ZDHHC5: variants seen among roughly 807,000 people sequenced by gnomAD.
ZDHHC5 encodes palmitoyltransferase ZDHHC5.
A neutral mutation model predicts 70.0 loss-of-function variants in ZDHHC5; 22 were observed. The observed-to-expected ratio is 0.31, with a 90% CI of 0.22 to 0.45. The LOEUF (loss-of-function observed/expected upper bound fraction) is 0.45, where lower values mean the gene tolerates loss of function less well. Ranked by LOEUF, ZDHHC5 falls within the 20% of genes least tolerant of loss-of-function variation. The pLI, the probability that ZDHHC5 is intolerant of heterozygous loss-of-function variation, is 1.00. For synonymous variants in ZDHHC5, 313 were observed against 347.8 expected, an observed-to-expected ratio of 0.90 and a Z score of 1.11; for missense variants, 746 against 926.9, an observed-to-expected ratio of 0.80 and a Z score of 2.53.
Position 57,695,992 on chromosome 11 carries a change from C to G in ZDHHC5, c.958C>G (p.Leu320Val), listed in dbSNP as rs774774294. 7.4e-6 allele frequency: 12 copies of G among 1,614,122 alleles called. No individual in the cohort carries two copies. The highest frequency in any genetic ancestry group is 1.1e-5 in the South Asian group (1 of 91,066). Reference protein sequence around the residue: ...AEPPPPPKPDLSRYTGLRTHL... With the variant: ...AEPPPPPKPDVSRYTGLRTHL... Reference sequence around the variant, plus strand: ...ACCTCCACCTCCTCCTAAGCCAGACCTGAGCCGTTACACAGGGTTGCGAAC... The same window carrying G: ...ACCTCCACCTCCTCCTAAGCCAGACGTGAGCCGTTACACAGGGTTGCGAAC... The change falls in exon 9 of 12, where the codon CTG (leucine) becomes GTG (valine). Residue 320 changes from leucine (L) to valine (V), a missense_variant. Leu to Val is a conservative substitution (Grantham distance 32). Around this residue, in one of 6 missense-constraint regions of ZDHHC5, gnomAD observed 179 missense variants for 178.4 expected, o/e 1.00. Transcript: ENST00000287169.
At chr11:57,691,348 TTTTA>T (rs918733185) in intron 6 of ZDHHC5, among the ~76,000 whole-genome samples, 14 of 151,946 alleles carry the variant, frequency 9.2e-5, no homozygotes, top group African/African-American at 2.9e-4. Context: ...CTAAAATATC[TTTTA>T]TTTATTTATT....
intron 7 of ZDHHC5, among the ~76,000 whole-genome samples, chr11:57,692,941 T>A (rs1427635698): frequency 6.6e-6 from 1 of 152,098 alleles, no homozygotes; most frequent in Non-Finnish European, 1.5e-5. Context: ...ACCGGTTTCA[T>A]GGGAGACACT....
At chr11:57,693,134 C>T (rs1946306910) in intron 7 of ZDHHC5, among the ~76,000 whole-genome samples, 1 of 152,072 alleles carries the variant, frequency 6.6e-6, no homozygotes, top group African/African-American at 2.4e-5. Flanking sequence ...TGGTGAAACC[C>T]CTTCTCTACT....
chr11:57,676,759 C>G (rs1239121029), intron 2 of ZDHHC5, among the ~76,000 whole-genome samples: 1 of 151,864 alleles, frequency 6.6e-6, no homozygotes, highest in Non-Finnish European at 1.5e-5. Flanking sequence ...TCTCCTGAGA[C>G]CTAGTGCTCC....
intron 5 of ZDHHC5, 37 bp downstream of exon 5, chr11:57,690,240 G>C (rs1321564742): frequency 3.7e-6 from 6 of 1,612,998 alleles, no homozygotes; most frequent in South Asian, 3.3e-5. Context: ...GGGATTGGAA[G>C]GGGGAGGAAT....
chr11:57,672,827 C>T lies in ZDHHC5; in HGVS notation c.-264C>T, dbSNP rs893362849. The T allele has an allele frequency of 2.4e-6, 1 of 419,990 alleles. No homozygotes were observed. Among genetic ancestry groups the T allele is most frequent in the Non-Finnish European group, 4.4e-6 (1 of 225,936 alleles). The allele number at this position is 419,990 out of a possible 1,614,324, so 26.0% of individuals were successfully genotyped here. On this transcript the variant is annotated 5_prime_UTR_variant, in exon 2 of 12. Transcript: ENST00000287169. Reference sequence around the variant, plus strand: ...TTTTTAAACTGTACAAGTTGTGTTTCTTAATCTTCCCTTCTGCCTTGTTCT... The same window carrying T: ...TTTTTAAACTGTACAAGTTGTGTTTTTTAATCTTCCCTTCTGCCTTGTTCT...
intron 2 of ZDHHC5, among the ~76,000 whole-genome samples, chr11:57,680,069 A>G (rs1946129159): frequency 6.6e-6 from 1 of 152,168 alleles, no homozygotes; most frequent in South Asian, 2.1e-4. Flanking sequence ...CAGGATCCCC[A>G]AGAAACTGAG....
At chr11:57,673,605 C>G (rs1946033913) in intron 2 of ZDHHC5, among the ~76,000 whole-genome samples, 1 of 152,206 alleles carries the variant, frequency 6.6e-6, no homozygotes, top group South Asian at 2.1e-4. Context: ...GTCTCTTGCT[C>G]TGTCACTCAG....
Position 57,692,589 on chromosome 11 carries a change from G to T in ZDHHC5, c.661-22G>T, listed in dbSNP as rs183494148. The T allele has an allele frequency of 4.5e-5, 73 of 1,609,676 alleles. 1 individual carries two copies. The South Asian group carries it at 5.3e-4, about 12-fold the overall frequency. ...AAGTCAAGGTCTCATCTTCTAACCT[G>T]GTATTTTTTTTCTCCCTCTAGGTTA... On this transcript the variant is annotated intron_variant, in intron 6 of 11. Transcript: ENST00000287169.
chr11:57,673,716 G>A (rs1380379558), intron 2 of ZDHHC5, among the ~76,000 whole-genome samples: 5 of 152,050 alleles, frequency 3.3e-5, no homozygotes, highest in Non-Finnish European at 7.4e-5. Context: ...GATTAAAAGT[G>A]CCAACCACCA....
At chr11:57,692,357 T>G (rs1946295786) in intron 6 of ZDHHC5, among the ~76,000 whole-genome samples, 1 of 152,154 alleles carries the variant, frequency 6.6e-6, no homozygotes, top group Admixed American at 6.6e-5. Flanking sequence ...TTTCAATATT[T>G]AGAAAGCTAT....
rs534960446 is a variant in ZDHHC5, at chr11:57,673,576, G to A, written c.104+382G>A. Among the ~76,000 whole-genome samples the A allele has an allele frequency of 5.3e-5, 8 of 152,212 alleles. No individual in the cohort carries two copies. The East Asian group carries it at 1.5e-3, about 29-fold the overall frequency. ...GAAAGAGAACTAGACTAGACTAAAG[G>A]CTTTTTTTTGGAGGCAGCGTCTCTT... On this transcript the variant is annotated intron_variant, in intron 2 of 11. Transcript: ENST00000287169.
rs147331802 is a variant in ZDHHC5 at position 57,696,014 on chromosome 11, G to A, written c.980G>A (p.Arg327Gln). ...KPDLSRYTGL[R>Q]THLGLATNED... ...GACCTGAGCCGTTACACAGGGTTGC[G>A]AACACACCTCGGCTTGGCTACTAAT... The change falls in exon 9 of 12, where the codon CGA becomes CAA. Residue 327 changes from arginine to glutamine, a missense_variant. This residue lies in a region of ZDHHC5 where 179 missense variants were observed against 178.4 expected (regional missense o/e 1.00). Coordinates refer to ENST00000287169, the MANE Select transcript of ZDHHC5 (RefSeq NM_015457.3). 2.3e-5 allele frequency: 37 copies of A among 1,613,930 alleles called. No individual in the cohort carries two copies. Among genetic ancestry groups the A allele is most frequent in the East Asian group, 1.8e-4 (8 of 44,878 alleles).
At chr11:57,696,894 T>C (rs2135404179) in intron 10 of ZDHHC5, 21 bp downstream of exon 10, 1 of 1,610,702 alleles carries the variant, frequency 6.2e-7, no homozygotes, top group Non-Finnish European at 8.5e-7. Context: ...CTCTAAGAGG[T>C]GGGGTAATAA....
intron 2 of ZDHHC5, among the ~76,000 whole-genome samples, chr11:57,677,256 G>T (rs1388885398): frequency 1.3e-5 from 2 of 148,900 alleles, no homozygotes; most frequent in Admixed American, 1.3e-4. Flanking sequence ...GTGGGGAGGG[G>T]GCAGGATAAG....
Position 57,693,923 on chromosome 11 carries a change from A to G in ZDHHC5, c.885+8A>G. The G allele has an allele frequency of 6.2e-7, 1 of 1,607,578 alleles. No individual in the cohort carries two copies. The highest frequency in any genetic ancestry group is 8.5e-7 in the Non-Finnish European group (1 of 1,177,730). On this transcript the variant is annotated splice_region_variant and intron_variant, in intron 8 of 11. Transcript: ENST00000287169. ...GAGCTGAGGAGAACAAAGGTGAGGA[A>G]TTTAGAGAAGTCAAGCTAGATAACA... is the stretch of plus-strand genomic sequence containing the variant.
At chr11:57,691,346 T>C (rs1946282654) in intron 6 of ZDHHC5, among the ~76,000 whole-genome samples, 1 of 151,906 alleles carries the variant, frequency 6.6e-6, no homozygotes, top group South Asian at 2.1e-4. Flanking sequence ...TGCTAAAATA[T>C]CTTTTATTTA....
At position 57,688,628 on chromosome 11, in the gene ZDHHC5, G is replaced by A; in HGVS notation, c.347G>A (p.Arg116Gln). Reference protein sequence around the residue: ...CATCRFYRPPRCSHCSVCDNC... With the variant: ...CATCRFYRPPQCSHCSVCDNC... ...ACCTGCCGCTTTTACCGTCCCCCTC[G>A]ATGTTCCCACTGCAGTGTCTGTGAC... The change falls in exon 4 of 12, where the codon CGA becomes CAA. Residue 116 changes from arginine to glutamine, a missense_variant. Physicochemically the swap from Arg to Gln is conservative, Grantham distance 43. Transcript: ENST00000287169. The A allele has an allele frequency of 1.2e-6, 2 of 1,610,376 alleles. No homozygotes were observed. Among genetic ancestry groups the A allele is most frequent in the Non-Finnish European group, 1.7e-6 (2 of 1,178,406 alleles).
chr11:57,692,708 C>A lies in ZDHHC5; in HGVS notation c.752+6C>A. ...TGCAGTTCTCCAGCACCCAGGTACACCTATCCCTCTGGTCTAGTGTTTACC... is the reference window on the plus strand; with the variant it reads ...TGCAGTTCTCCAGCACCCAGGTACAACTATCCCTCTGGTCTAGTGTTTACC... On this transcript the variant is annotated splice_donor_region_variant and intron_variant, in intron 7 of 11. Coordinates refer to ENST00000287169, the MANE Select transcript of ZDHHC5 (RefSeq NM_015457.3). The A allele has an allele frequency of 6.2e-7, 1 of 1,614,042 alleles. No individual in the cohort carries two copies. The highest frequency in any genetic ancestry group is 8.5e-7 in the Non-Finnish European group (1 of 1,179,958).
Sources: allele counts gnomAD v4.1 joint callset (sites outside exome capture counted in the v4.1 genomes callset), GRCh38; gene constraint gnomAD v4.1.1; regional missense constraint gnomAD v4.1.1; transcripts MANE v1.5; gene names NCBI Gene and HGNC (gene_info 2026-07-23, HGNC 2026-07-21).